Variants in PPP1R9A observed in about 807,000 individuals in gnomAD.
The protein encoded by PPP1R9A is neurabin-1.
In PPP1R9A, 59 loss-of-function variants were observed where a neutral mutation model predicts 141.9. The ratio of observed to expected loss-of-function variants is 0.42; its 90% CI spans 0.34 to 0.52. PPP1R9A has a LOEUF of 0.52. Among genes scored for constraint, PPP1R9A ranks in the 20% least tolerant of loss-of-function variants. The pLI is 0.10. For missense variants in PPP1R9A, 1,444 were observed against 1,611.9 expected (o/e 0.90, Z 1.78); for synonymous variants, 500 against 569.7 (o/e 0.88, Z 1.74).
At chr7:95,129,820 A>G (rs995326087) in intron 4 of PPP1R9A, among the ~76,000 whole-genome samples, 9 of 152,074 alleles carry the variant, frequency 5.9e-5, no homozygotes, top group African/African-American at 2.2e-4. Context: ...TTTTGCCCCT[A>G]CCCTAGAGAT....
chr7:95,106,751 C>A (rs1487120245), intron 2 of PPP1R9A, among the ~76,000 whole-genome samples: 1 of 152,150 alleles, frequency 6.6e-6, no homozygotes, highest in African/African-American at 2.4e-5. Flanking sequence ...ATGCTTTCCT[C>A]TTCAAAAGTA....
intron 13 of PPP1R9A, 102 bp from the exon 14 acceptor site, chr7:95,269,105 A>T (rs1489366833): frequency 4.3e-6 from 5 of 1,170,644 alleles, no homozygotes; most frequent in Non-Finnish European, 5.9e-6. Context: ...ACTGGTTTTC[A>T]TGGGGATTCA....
At chr7:94,953,776 A>G (rs9656024) in intron 2 of PPP1R9A, among the ~76,000 whole-genome samples, 5 of 152,066 alleles carry the variant, frequency 3.3e-5, no homozygotes, top group Non-Finnish European at 7.4e-5. Context: ...TTATTGGTGT[A>G]TAGGAATGCT....
At chr7:95,052,816 T>C (rs1811004052) in intron 2 of PPP1R9A, among the ~76,000 whole-genome samples, 2 of 152,196 alleles carry the variant, frequency 1.3e-5, no homozygotes, top group Non-Finnish European at 1.5e-5. Context: ...ATTTTCAATG[T>C]TCTGTTTCCC....
At chr7:95,072,846 T>TGTA (rs1814148684) in intron 2 of PPP1R9A, among the ~76,000 whole-genome samples, 1 of 101,180 alleles carries the variant, frequency 9.9e-6, no homozygotes, top group East Asian at 2.4e-4. Flanking sequence ...AATTATTATA[T>TGTA]ATAATATAAG....
rs187152330 is a variant in PPP1R9A, at chr7:95,110,872, T to C, written c.1396-387T>C. 1.8e-3 allele frequency among the ~76,000 whole-genome samples: 276 copies of C among 152,304 alleles called. 1 individual carries two copies. Among genetic ancestry groups the C allele is most frequent in the African/African-American group, 6.2e-3 (259 of 41,564 alleles). On this transcript the variant is annotated intron_variant, in intron 2 of 19. Coordinates refer to ENST00000433360, the MANE Select transcript of PPP1R9A (RefSeq NM_001166160.2). ...TTCAGGGCTAGTATAGGTCATACCA[T>C]GAAACAGGTTCAGTGTAGGTATTTG...
At chr7:95,127,810 G>T (rs1823842062) in intron 4 of PPP1R9A, among the ~76,000 whole-genome samples, 2 of 152,158 alleles carry the variant, frequency 1.3e-5, no homozygotes, top group East Asian at 3.9e-4. Flanking sequence ...TAGGATGATG[G>T]CCTCCAGTTT....
intron 5 of PPP1R9A, among the ~76,000 whole-genome samples, chr7:95,183,867 A>G (rs1834243918): frequency 6.6e-6 from 1 of 151,524 alleles, no homozygotes; most frequent in South Asian, 2.1e-4. Context: ...TTTTTATTTT[A>G]TTCTATTTTA....
intron 8 of PPP1R9A, among the ~76,000 whole-genome samples, chr7:95,244,241 T>C (rs773271478): frequency 5.3e-5 from 8 of 152,170 alleles, no homozygotes; most frequent in Admixed American, 1.3e-4. Flanking sequence ...CCTCCTGTTA[T>C]CCATTTTTGG....
chr7:94,985,963 T>A (rs1267736025), intron 2 of PPP1R9A, among the ~76,000 whole-genome samples: 1 of 152,166 alleles, frequency 6.6e-6, no homozygotes. Flanking sequence ...GGAGGAGACA[T>A]AATAGCTTTT....
rs967235932 is a variant in PPP1R9A, at chr7:95,222,489, C to A, written c.1957-3472C>A. 2.6e-5 allele frequency among the ~76,000 whole-genome samples: 4 copies of A among 151,970 alleles called. No homozygotes were observed. In the East Asian group the frequency reaches 5.8e-4, roughly 22 times the overall value. Reference sequence around the variant, plus strand: ...AGTAAGTTGCAAAAGTATTGCTCTTCATTTTTTACCCCTTTGTGTGGGGCT... The same window carrying A: ...AGTAAGTTGCAAAAGTATTGCTCTTAATTTTTTACCCCTTTGTGTGGGGCT... On this transcript the variant is annotated intron_variant, in intron 7 of 19. Transcript: ENST00000433360.
intron 2 of PPP1R9A, among the ~76,000 whole-genome samples, chr7:95,060,198 A>C (rs1812039906): frequency 6.6e-6 from 1 of 152,178 alleles, no homozygotes; most frequent in Non-Finnish European, 1.5e-5. Flanking sequence ...AGACTTACTT[A>C]GGAAACTGAA....
chr7:95,218,797 CTTT>C (rs903860750), intron 7 of PPP1R9A, among the ~76,000 whole-genome samples: 1 of 151,996 alleles, frequency 6.6e-6, no homozygotes, highest in Admixed American at 6.6e-5. Context: ...CAACCCCTGC[CTTT>C]TTTTGTTTTC....
chr7:95,247,957 T>C (rs1430569633), intron 9 of PPP1R9A, among the ~76,000 whole-genome samples: 2 of 151,946 alleles, frequency 1.3e-5, no homozygotes, highest in Non-Finnish European at 2.9e-5. Flanking sequence ...TAATTTCTAA[T>C]AATTAAATCT....
chr7:95,066,824 C>T (rs1045668821), intron 2 of PPP1R9A, among the ~76,000 whole-genome samples: 8 of 152,128 alleles, frequency 5.3e-5, no homozygotes, highest in Admixed American at 1.3e-4. Context: ...TAGAGCTAGA[C>T]GTGAGTGAAT....
chr7:95,127,858 T>G (rs1823853104), intron 4 of PPP1R9A, among the ~76,000 whole-genome samples: 1 of 152,236 alleles, frequency 6.6e-6, no homozygotes, highest in South Asian at 2.1e-4. Flanking sequence ...TTCATTCTTT[T>G]TTATAGGTGT....
intron 2 of PPP1R9A, among the ~76,000 whole-genome samples, chr7:95,078,847 T>A (rs1815300168): frequency 6.6e-6 from 1 of 151,894 alleles, no homozygotes; most frequent in African/African-American, 2.4e-5. Flanking sequence ...TTCTTGTAAA[T>A]TTGTTTGAGT....
At chr7:95,236,318 T>TA (rs1327781156) in intron 8 of PPP1R9A, among the ~76,000 whole-genome samples, 1 of 152,104 alleles carries the variant, frequency 6.6e-6, no homozygotes, top group Non-Finnish European at 1.5e-5. Context: ...TAATTCAGCA[T>TA]ATTAAAGGTA....
chr7:94,931,787 A>C (rs1260006618), intron 2 of PPP1R9A, among the ~76,000 whole-genome samples: 1 of 152,138 alleles, frequency 6.6e-6, no homozygotes, highest in African/African-American at 2.4e-5. Flanking sequence ...CATGTTGGTC[A>C]GGCTGGTCTC....
Sources: gnomAD v4.1 joint callset for allele counts (sites outside exome capture counted in the v4.1 genomes callset) on GRCh38, gnomAD v4.1.1 for gene constraint, MANE v1.5 for transcripts, NCBI Gene and HGNC (gene_info 2026-07-23, HGNC 2026-07-21) for gene names.